LTBP1: variants seen among roughly 807,000 people sequenced by gnomAD.
LTBP1 encodes latent transforming growth factor beta binding protein 1, also known as latent-transforming growth factor beta-binding protein 1.
A neutral mutation model predicts 207.6 loss-of-function variants in LTBP1; 129 were observed. The observed-to-expected ratio is 0.62, with a 90% CI of 0.54 to 0.72. The LOEUF (loss-of-function observed/expected upper bound fraction) is 0.72. LTBP1 is among the 30% of genes least tolerant of loss of function. LTBP1 has a pLI of 0.00. For missense variants in LTBP1, 2,281 were observed against 2,217.2 expected (o/e 1.03, Z -0.58); for synonymous variants, 963 against 833.7 (o/e 1.16, Z -2.67).
At chr2:33,275,711 G>A (rs892072726) in intron 17 of LTBP1, 90 bp from the exon 18 acceptor site, 1 of 1,499,196 alleles carries the variant, frequency 6.7e-7, no homozygotes, top group Non-Finnish European at 9.2e-7. Context: ...CAGTTACTTC[G>A]TTATTATATT....
intron 9 of LTBP1, among the ~76,000 whole-genome samples, chr2:33,238,369 T>G (rs992438516): frequency 6.6e-5 from 10 of 152,170 alleles, no homozygotes; most frequent in African/African-American, 2.4e-4. Flanking sequence ...ATACATACTT[T>G]CCTGTAGGAG....
intron 5 of LTBP1, among the ~76,000 whole-genome samples, chr2:33,178,262 A>T (rs1333019084): frequency 6.6e-6 from 1 of 152,356 alleles, no homozygotes; most frequent in South Asian, 2.1e-4. Flanking sequence ...CAATGACAGC[A>T]TCTGTGATGA....
At chr2:33,166,594 G>A (rs1572940124) in intron 5 of LTBP1, among the ~76,000 whole-genome samples, 1 of 152,090 alleles carries the variant, frequency 6.6e-6, no homozygotes, top group Non-Finnish European at 1.5e-5. Context: ...GCTACATCTC[G>A]AGAGTTAATT....
chr2:33,273,837 A>G, intron 16 of LTBP1, 56 bp downstream of exon 16: 1 of 1,482,664 alleles, frequency 6.7e-7, no homozygotes, highest in Non-Finnish European at 9.0e-7. Flanking sequence ...GAACATTAAG[A>G]ACATTTTTTT....
chr2:33,054,874 C>T (rs1479125160), intron 3 of LTBP1, among the ~76,000 whole-genome samples: 2 of 152,156 alleles, frequency 1.3e-5, no homozygotes, highest in African/African-American at 4.8e-5. Flanking sequence ...CCCAGGGAAC[C>T]TTCATCCTCT....
chr2:33,103,218 A>G (rs1397677690), intron 3 of LTBP1, among the ~76,000 whole-genome samples: 1 of 151,450 alleles, frequency 6.6e-6, no homozygotes, highest in Non-Finnish European at 1.5e-5. Flanking sequence ...TATGTTGTAT[A>G]TATAGTCTGC....
chr2:33,148,363 G>T (rs1275716280), intron 5 of LTBP1, among the ~76,000 whole-genome samples: 1 of 152,168 alleles, frequency 6.6e-6, no homozygotes, highest in African/African-American at 2.4e-5. Flanking sequence ...TGTTCTCTAT[G>T]CTGATAACAT....
chr2:33,040,610 T>TC (rs2076137660), intron 3 of LTBP1, among the ~76,000 whole-genome samples: 1 of 152,178 alleles, frequency 6.6e-6, no homozygotes, highest in African/African-American at 2.4e-5. Context: ...CACTGTCTCT[T>TC]CCCTCTTCCT....
At chr2:33,336,632 C>A in intron 24 of LTBP1, among the ~76,000 whole-genome samples, 1 of 152,250 alleles carries the variant, frequency 6.6e-6, no homozygotes, top group South Asian at 2.1e-4. Flanking sequence ...AAAAATGACA[C>A]CCCCATTCCC....
At chr2:33,116,100 T>C (rs1056494163) in intron 4 of LTBP1, among the ~76,000 whole-genome samples, 10 of 152,330 alleles carry the variant, frequency 6.6e-5, no homozygotes, top group Admixed American at 4.6e-4. Context: ...TGAGCAGCAA[T>C]GGCCATGTAA....
At chr2:33,381,011 T>A (rs600389) in intron 31 of LTBP1, among the ~76,000 whole-genome samples, 2 of 152,080 alleles carry the variant, frequency 1.3e-5, no homozygotes, top group Non-Finnish European at 2.9e-5. Flanking sequence ...TTACCTGTCC[T>A]TGCAGCTGAA....
intron 24 of LTBP1, among the ~76,000 whole-genome samples, chr2:33,336,257 TCA>T (rs1442563403): frequency 1.3e-5 from 2 of 152,214 alleles, no homozygotes; most frequent in Admixed American, 1.3e-4. Context: ...CTTTTTGGGC[TCA>T]CAGTTTGGTT....
intron 9 of LTBP1, among the ~76,000 whole-genome samples, chr2:33,238,586 T>C (rs1163266024): frequency 1.3e-5 from 2 of 152,182 alleles, no homozygotes; most frequent in East Asian, 1.9e-4. Flanking sequence ...GAGAGGACAC[T>C]GAGATCAAGA....
intron 5 of LTBP1, among the ~76,000 whole-genome samples, chr2:33,164,377 A>G (rs940746676): frequency 4.0e-5 from 6 of 149,982 alleles, no homozygotes; most frequent in Non-Finnish European, 8.9e-5. Context: ...AAAAAAAAAA[A>G]AAAGATTAAG....
At chr2:33,332,188 A>G (rs1352820808) in intron 24 of LTBP1, among the ~76,000 whole-genome samples, 1 of 152,052 alleles carries the variant, frequency 6.6e-6, no homozygotes, top group Non-Finnish European at 1.5e-5. Flanking sequence ...TAAAATACTT[A>G]TTTAAGTATC....
At chr2:32,971,486 G>T (rs1558456064) in intron 2 of LTBP1, among the ~76,000 whole-genome samples, 1 of 151,904 alleles carries the variant, frequency 6.6e-6, no homozygotes, top group Non-Finnish European at 1.5e-5. Context: ...TTTATTGAGG[G>T]TTTTTTTCAA....
chr2:33,363,576 A>G, intron 29 of LTBP1, 58 bp downstream of exon 29: 1 of 1,551,240 alleles, frequency 6.4e-7, no homozygotes, highest in South Asian at 1.2e-5. Flanking sequence ...TGGAAAAAAT[A>G]ACTATGCTAT....
At chr2:33,272,944 G>A (rs764984755) in intron 15 of LTBP1, among the ~76,000 whole-genome samples, 1 of 152,054 alleles carries the variant, frequency 6.6e-6, no homozygotes, top group African/African-American at 2.4e-5. Context: ...AGTAGACTGA[G>A]GACTTGAACA....
At chr2:33,030,557 C>CTA (rs1372536165) in intron 3 of LTBP1, among the ~76,000 whole-genome samples, 35 of 152,296 alleles carry the variant, frequency 2.3e-4, no homozygotes, top group African/African-American at 8.2e-4. Context: ...ACCTGTGAGT[C>CTA]TAAACAGTTG....
Sources: gnomAD v4.1 joint callset for allele counts (sites outside exome capture counted in the v4.1 genomes callset) on GRCh38, gnomAD v4.1.1 for gene constraint, MANE v1.5 for transcripts, NCBI Gene and HGNC (gene_info 2026-07-23, HGNC 2026-07-21) for gene names.